CFAP300: variants seen among roughly 807,000 people sequenced by gnomAD.
CFAP300 encodes cilia and flagella associated protein 300.
Under a neutral mutation model 33.0 loss-of-function variants are expected in CFAP300, and 32 were observed. That is an observed-to-expected ratio of 0.97 (90% CI 0.73 to 1.30). CFAP300 has a LOEUF of 1.30. Among genes scored for constraint, CFAP300 ranks in the 50% most tolerant of loss-of-function variants. CFAP300 has a pLI of 0.00. For synonymous variants in CFAP300, 102 were observed against 106.8 expected, an observed-to-expected ratio of 0.95 and a Z score of 0.28; for missense variants, 356 against 318.1, an observed-to-expected ratio of 1.12 and a Z score of -0.90.
intron 4 of CFAP300, among the ~76,000 whole-genome samples, chr11:102,067,111 A>G (rs1042797115): frequency 2.0e-5 from 3 of 152,222 alleles, no homozygotes; most frequent in African/African-American, 4.8e-5. Context: ...AGGCTGAGGC[A>G]GGTGGGTGGT....
Position 102,047,815 on chromosome 11 carries a change from G to C in CFAP300, c.111G>C (p.Trp37Cys). 8.1e-6 allele frequency: 13 copies of C among 1,614,094 alleles called. No individual in the cohort carries two copies. Among genetic ancestry groups the C allele is most frequent in the Non-Finnish European group, 1.1e-5 (13 of 1,179,996 alleles). Residue 37 changes from tryptophan to cysteine, a missense_variant and splice_region_variant, in exon 2 of 7, where the codon TGG (tryptophan) becomes TGC (cysteine). Transcript: ENST00000434758. ...SKEITSRLRQ[W>C]SMLGRIKAQA... ...ATTTCTTTTTCCTCCTCTGCCCCAG[G>C]TCCATGCTGGGCAGAATCAAGGCGC...
rs941902994 is a variant in CFAP300 at position 102,084,112 on chromosome 11, A to G, written c.*913A>G. On this transcript the variant is annotated 3_prime_UTR_variant, in exon 7 of 7. Transcript: ENST00000434758. ...ACGGCTAATACAAGAGCTACATGTA[A>G]ACAGAGAAAGTTGCCTGATGGCATT... 1 of 152,254 alleles carries G rather than the reference A, an allele frequency of 6.6e-6. No homozygotes were observed. The allele number at this position is 152,254 out of a possible 1,614,324, so 9.4% of individuals were successfully genotyped here. A position where few individuals can be genotyped will look rare whatever the true frequency, so the allele number is the denominator to read the frequency against.
chr11:102,053,071 A>C (rs984967342), intron 2 of CFAP300, among the ~76,000 whole-genome samples: 20 of 151,008 alleles, frequency 1.3e-4, no homozygotes, highest in African/African-American at 4.9e-4. Flanking sequence ...CTACTAAAAA[A>C]CACAAAAATT....
intron 5 of CFAP300, among the ~76,000 whole-genome samples, chr11:102,077,593 G>C (rs748407652): frequency 6.6e-6 from 1 of 151,774 alleles, no homozygotes; most frequent in Non-Finnish European, 1.5e-5. Flanking sequence ...TTTTTGAGAC[G>C]GAGTCTCACC....
intron 4 of CFAP300, 51 bp downstream of exon 4, chr11:102,066,702 C>A (rs1942232978): frequency 3.3e-6 from 5 of 1,515,076 alleles, no homozygotes; most frequent in Non-Finnish European, 3.5e-6. Flanking sequence ...TCAGGAAATG[C>A]AAAAATGGCA....
chr11:102,078,782 C>T (rs1289242096), intron 5 of CFAP300, among the ~76,000 whole-genome samples: 1 of 152,128 alleles, frequency 6.6e-6, no homozygotes, highest in East Asian at 1.9e-4. Flanking sequence ...AATCTCGGCT[C>T]ACTGCAACCT....
chr11:102,070,276 A>G (rs1942293328), intron 4 of CFAP300, among the ~76,000 whole-genome samples: 1 of 152,224 alleles, frequency 6.6e-6, no homozygotes, highest in African/African-American at 2.4e-5. Flanking sequence ...TCATCAAGGC[A>G]TTATAAATAA....
chr11:102,055,482 C>G (rs577702077), intron 2 of CFAP300, among the ~76,000 whole-genome samples: 2 of 149,952 alleles, frequency 1.3e-5, no homozygotes, highest in African/African-American at 2.5e-5. Context: ...CTCAGCCTCC[C>G]GAGTAGCTGG....
At chr11:102,063,828 GA>G (rs928432427) in intron 3 of CFAP300, among the ~76,000 whole-genome samples, 26 of 151,032 alleles carry the variant, frequency 1.7e-4, no homozygotes, top group African/African-American at 5.6e-4. Flanking sequence ...AAGAAAAAAA[GA>G]AAAAAAAAGT....
chr11:102,070,704 A>G (rs1445582851), intron 4 of CFAP300, among the ~76,000 whole-genome samples: 2 of 152,068 alleles, frequency 1.3e-5, no homozygotes, highest in Admixed American at 6.6e-5. Flanking sequence ...CTCTTTTAGC[A>G]CTAATTTTGC....
chr11:102,068,007 A>C (rs1942253733), intron 4 of CFAP300, among the ~76,000 whole-genome samples: 1 of 152,252 alleles, frequency 6.6e-6, no homozygotes, highest in Non-Finnish European at 1.5e-5. Flanking sequence ...TCAAATAGCC[A>C]TATGTTCAAA....
chr11:102,065,626 G>A (rs1484584670), intron 3 of CFAP300, among the ~76,000 whole-genome samples: 2 of 151,794 alleles, frequency 1.3e-5, no homozygotes, highest in African/African-American at 4.8e-5. Flanking sequence ...AATTAGCCAG[G>A]CATGGTGGCA....
chr11:102,047,829 G>A lies in CFAP300; in HGVS notation c.125G>A (p.Arg42Lys), dbSNP rs1276660364. The A allele has an allele frequency of 6.2e-7, 1 of 1,614,026 alleles. No individual in the cohort carries two copies. The highest frequency in any genetic ancestry group is 8.5e-7 in the Non-Finnish European group (1 of 1,180,034). The change falls in exon 2 of 7, where the codon AGA (arginine) becomes AAA (lysine). Residue 42 changes from arginine (R) to lysine (K), a missense_variant. By Grantham distance (26) the Arg-to-Lys change is conservative. Transcript: ENST00000434758. ...SRLRQWSMLG[R>K]IKAQAFGFDQ... ...CTCTGCCCCAGGTCCATGCTGGGCA[G>A]AATCAAGGCGCAGGCGTTCGGCTTT... is the stretch of plus-strand genomic sequence containing the variant.
chr11:102,070,035 T>G (rs1269049562), intron 4 of CFAP300, among the ~76,000 whole-genome samples: 1 of 152,204 alleles, frequency 6.6e-6, no homozygotes, highest in South Asian at 2.1e-4. Context: ...AGAAATGTGT[T>G]AACTATTCAT....
chr11:102,074,631 C>T (rs1339668932), intron 4 of CFAP300, among the ~76,000 whole-genome samples: 1 of 151,436 alleles, frequency 6.6e-6, no homozygotes, highest in African/African-American at 2.4e-5. Flanking sequence ...ATTTTTTTTT[C>T]CACTTTATTT....
intron 2 of CFAP300, 88 bp downstream of exon 2, chr11:102,047,984 T>G: frequency 1.6e-6 from 2 of 1,250,462 alleles, no homozygotes; most frequent in Non-Finnish European, 1.1e-6. Flanking sequence ...GAACACGCTA[T>G]TCCTTACTGA....
At position 102,083,488 on chromosome 11, in the gene CFAP300, A is replaced by G. The variant is rs1942505376; in HGVS notation, c.*289A>G. 1 of 189,036 alleles carries G rather than the reference A, an allele frequency of 5.3e-6. No individual in the cohort carries two copies. The highest frequency in any genetic ancestry group is 2.3e-5 in the African/African-American group (1 of 42,970). The allele number at this position is 189,036 out of a possible 1,614,324, so 11.7% of individuals were successfully genotyped here. ...GTTCATATTTGTTGCATTGTGATTC[A>G]AGTGAATCCTCAATTTTCCATGTAT... On this transcript the variant is annotated 3_prime_UTR_variant, in exon 7 of 7. Transcript: ENST00000434758.
chr11:102,052,452 G>A (rs1199496545), intron 2 of CFAP300, among the ~76,000 whole-genome samples: 1 of 152,050 alleles, frequency 6.6e-6, no homozygotes, highest in African/African-American at 2.4e-5. Context: ...CTTGCTTTTT[G>A]TCTAGAAATA....
intron 2 of CFAP300, among the ~76,000 whole-genome samples, chr11:102,055,081 A>C (rs1325259724): frequency 6.7e-6 from 1 of 148,858 alleles, no homozygotes; most frequent in Non-Finnish European, 1.5e-5. Flanking sequence ...CCGGGATTCA[A>C]GCGATTCTCC....
Sources: gnomAD v4.1 joint callset for allele counts (sites outside exome capture counted in the v4.1 genomes callset) on GRCh38, gnomAD v4.1.1 for gene constraint, MANE v1.5 for transcripts, NCBI Gene and HGNC (gene_info 2026-07-23, HGNC 2026-07-21) for gene names.